Variants in PIK3C2A observed in about 807,000 individuals in gnomAD.
PIK3C2A encodes the protein phosphatidylinositol 4-phosphate 3-kinase C2 domain-containing subunit alpha.
A neutral mutation model predicts 204.5 loss-of-function variants in PIK3C2A; 97 were observed. That is an observed-to-expected ratio of 0.47 (90% CI 0.40 to 0.56). The LOEUF is 0.56. Among genes scored for constraint, PIK3C2A ranks in the 20% least tolerant of loss-of-function variants. The pLI is 0.00. For synonymous variants in PIK3C2A, 653 were observed against 664.4 expected, an observed-to-expected ratio of 0.98 and a Z score of 0.26; for missense variants, 1,735 against 1,969.2, an observed-to-expected ratio of 0.88 and a Z score of 2.25.
chr11:17,134,002 T>C (rs534199415), intron 11 of PIK3C2A, among the ~76,000 whole-genome samples: 2 of 152,212 alleles, frequency 1.3e-5, no homozygotes, highest in South Asian at 4.1e-4. Flanking sequence ...TCTGTTTTCC[T>C]GCTATATTTG....
Position 17,169,197 on chromosome 11 carries a change from G to A in PIK3C2A, c.545C>T (p.Thr182Ile), listed in dbSNP as rs776989520. Residue 182 changes from threonine (T) to isoleucine (I), a missense_variant, in exon 2 of 33, where the codon ACA becomes ATA. Around this residue, in one of 6 missense-constraint regions of PIK3C2A, gnomAD observed 536 missense variants for 546.7 expected, o/e 0.98. Coordinates refer to ENST00000691414, the MANE Select transcript of PIK3C2A (RefSeq NM_002645.4). ...FNPRMPTFPS[T>I]EPIYLSLPGQ... ...CGGAAGACTTAAATATATAGGTTCT[G>A]TAGATGGAAAAGTGGGCATTCTTGG... 6.2e-7 allele frequency: 1 copy of A among 1,614,068 alleles called. No individual in the cohort carries two copies. Among genetic ancestry groups the A allele is most frequent in the South Asian group, 1.1e-5 (1 of 91,058 alleles).
intron 2 of PIK3C2A, among the ~76,000 whole-genome samples, chr11:17,167,631 A>G (rs961884516): frequency 6.6e-6 from 1 of 152,190 alleles, no homozygotes; most frequent in African/African-American, 2.4e-5. Context: ...CAAAATAATA[A>G]TAGTAATAAA....
chr11:17,203,844 G>A lies in PIK3C2A; in HGVS notation c.-66+4004C>T, dbSNP rs11024190. Among the ~76,000 whole-genome samples the A allele has an allele frequency of 0.027, 4,045 of 152,140 alleles. 544 individuals carry two copies. The East Asian group carries it at 0.42, about 16-fold the overall frequency. On this transcript the variant is annotated intron_variant, in intron 1 of 32. Transcript: ENST00000691414. ...TCCCAGCACTTTGGGAGGCCGAGGC[G>A]GGCAGATCACAAGGTCAGGAGATTG...
chr11:17,190,604 AT>A (rs1738987830), intron 1 of PIK3C2A, among the ~76,000 whole-genome samples: 1 of 151,926 alleles, frequency 6.6e-6, no homozygotes, highest in African/African-American at 2.4e-5. Context: ...TGATAAAAAT[AT>A]TAAATGATCT....
At chr11:17,163,026 G>C (rs942186052) in intron 2 of PIK3C2A, among the ~76,000 whole-genome samples, 1 of 151,976 alleles carries the variant, frequency 6.6e-6, no homozygotes, top group African/African-American at 2.4e-5. Context: ...GACTTGTTTG[G>C]CCAGGCACGG....
chr11:17,088,232 A>T lies in PIK3C2A; in HGVS notation c.*1506T>A, dbSNP rs1848203285. 1 of 152,114 alleles carries T rather than the reference A, an allele frequency of 6.6e-6. No homozygotes were observed. Among genetic ancestry groups the T allele is most frequent in the Admixed American group, 6.6e-5 (1 of 15,260 alleles). The allele number at this position is 152,114 out of a possible 1,614,324, so 9.4% of individuals were successfully genotyped here. On this transcript the variant is annotated 3_prime_UTR_variant, in exon 33 of 33. Coordinates refer to ENST00000691414, the MANE Select transcript of PIK3C2A (RefSeq NM_002645.4). ...TTGTGTCTGAAGTTGAGTAACTAAT[A>T]AAAATGAATCTTACTCTTTTTTTCT...
chr11:17,107,053 C>T (rs1848844494), intron 22 of PIK3C2A, among the ~76,000 whole-genome samples: 1 of 152,168 alleles, frequency 6.6e-6, no homozygotes, highest in Admixed American at 6.5e-5. Context: ...GTGGCTCATG[C>T]CTGTAATCCC....
chr11:17,172,796 T>C (rs1851220812), intron 1 of PIK3C2A, among the ~76,000 whole-genome samples: 1 of 152,212 alleles, frequency 6.6e-6, no homozygotes, highest in Admixed American at 6.5e-5. Flanking sequence ...ATGATTACCC[T>C]CCACTTCATC....
intron 3 of PIK3C2A, among the ~76,000 whole-genome samples, chr11:17,151,467 A>G (rs1372879016): frequency 6.6e-6 from 1 of 152,216 alleles, no homozygotes; most frequent in Non-Finnish European, 1.5e-5. Context: ...GATTAAAATA[A>G]TCAGGTCACA....
At chr11:17,112,547 TA>T (rs748365348) in intron 21 of PIK3C2A, 26 bp downstream of exon 21, 7 of 1,127,418 alleles carry the variant, frequency 6.2e-6, no homozygotes, top group Admixed American at 2.2e-5. Context: ...AAATTGCCAT[TA>T]AAAAACAGTA....
intron 24 of PIK3C2A, among the ~76,000 whole-genome samples, chr11:17,102,292 C>A (rs932869184): frequency 6.6e-6 from 1 of 152,064 alleles, no homozygotes; most frequent in Non-Finnish European, 1.5e-5. Context: ...AAAAAATTAG[C>A]CGGGCGTGGT....
chr11:17,119,824 T>C lies in PIK3C2A; in HGVS notation c.2808A>G (p.Ala936=), dbSNP rs771127712. 6.2e-7 allele frequency: 1 copy of C among 1,603,160 alleles called. No homozygotes were observed. The highest frequency in any genetic ancestry group is 1.7e-5 in the Admixed American group (1 of 57,464). ...GTTCCAATGCAATTAGTGGGTACAA[T>C]GCAGGCCACTGGTGAAGCAATGAGT... The part of the protein sequence containing the change: ...KTYSLLHQWP[A]LYPLIALELL... Residue 936 remains alanine, a synonymous_variant, in exon 16 of 33, where the codon GCA becomes GCG. Transcript: ENST00000691414.
At chr11:17,156,467 G>C (rs757991692) in intron 2 of PIK3C2A, among the ~76,000 whole-genome samples, 1 of 152,094 alleles carries the variant, frequency 6.6e-6, no homozygotes, top group African/African-American at 2.4e-5. Flanking sequence ...GCTCACTGCA[G>C]CTTTGACCTC....
rs528420382 is a variant in PIK3C2A, at chr11:17,105,396, C to T, written c.3545-91G>A. 246 of 1,112,436 alleles carry T rather than the reference C, an allele frequency of 2.2e-4. No homozygotes were observed. The African/African-American group carries it at 3.5e-3, about 16-fold the overall frequency. The allele number at this position is 1,112,436 out of a possible 1,614,324, so 68.9% of individuals were successfully genotyped here. ...AAAATTATTATTACTTTTTAAATTT[C>T]ACTTTAAGTTCTGGGATACACGTGC... On this transcript the variant is annotated intron_variant, in intron 22 of 32. Coordinates refer to ENST00000691414, the MANE Select transcript of PIK3C2A (RefSeq NM_002645.4).
intron 13 of PIK3C2A, among the ~76,000 whole-genome samples, chr11:17,128,030 C>T (rs1163681533): frequency 1.3e-5 from 2 of 152,108 alleles, no homozygotes; most frequent in South Asian, 2.1e-4. Context: ...ACTTTGATTC[C>T]CCCCACTCCG....
At chr11:17,106,991 T>TATAAA (rs1182813907) in intron 22 of PIK3C2A, among the ~76,000 whole-genome samples, 11 of 152,208 alleles carry the variant, frequency 7.2e-5, no homozygotes, top group Admixed American at 5.2e-4. Context: ...GCTGAACAAA[T>TATAAA]TGTTTTTTGT....
Position 17,194,160 on chromosome 11 carries a change from G to A in PIK3C2A, c.-66+13688C>T, listed in dbSNP as rs534482675. On this transcript the variant is annotated intron_variant, in intron 1 of 32. Coordinates refer to ENST00000691414, the MANE Select transcript of PIK3C2A (RefSeq NM_002645.4). ...ATTGCCCACCCCAAGCTTGGGAAGC[G>A]TGCTTGTGCCCGCATTGCCAAGGGG... 7 of 731,188 alleles carry A rather than the reference G, an allele frequency of 9.6e-6. 1 individual carries two copies. The East Asian group carries it at 1.2e-4, about 12-fold the overall frequency. The allele number at this position is 731,188 out of a possible 1,614,324, so 45.3% of individuals were successfully genotyped here.
chr11:17,096,995 G>A (rs1848472539), intron 27 of PIK3C2A, 62 bp downstream of exon 27: 5 of 959,384 alleles, frequency 5.2e-6, no homozygotes, highest in African/African-American at 3.2e-5. Flanking sequence ...ATCAGCAAAG[G>A]AAGTAGAAAG....
At position 17,099,982 on chromosome 11, in the gene PIK3C2A, A is replaced by G; in HGVS notation, c.4009-13T>C. 3.1e-6 allele frequency: 4 copies of G among 1,300,280 alleles called. No individual in the cohort carries two copies. Among genetic ancestry groups the G allele is most frequent in the Non-Finnish European group, 4.4e-6 (4 of 906,584 alleles). 80.5% of individuals were successfully genotyped at this position (1,300,280 alleles called of 1,614,324 possible). ...CTGAAGGAATCATCTGTAGAAGAAA[A>G]CAAAAAGTTCTGTGAGTTAAATTTT... On this transcript the variant is annotated splice_polypyrimidine_tract_variant and intron_variant, in intron 25 of 32. Transcript: ENST00000691414.
Sources: gnomAD v4.1 joint callset for allele counts (sites outside exome capture counted in the v4.1 genomes callset) on GRCh38, gnomAD v4.1.1 for gene constraint, gnomAD v4.1.1 regional missense constraint, MANE v1.5 for transcripts, NCBI Gene and HGNC (gene_info 2026-07-23, HGNC 2026-07-21) for gene names.